The following ZEB1 variants were observed in gnomAD, a reference collection of about 807,000 sequenced individuals.
The protein encoded by ZEB1 is zinc finger E-box-binding homeobox 1.
Under a neutral mutation model 84.9 loss-of-function variants are expected in ZEB1, and 21 were observed. The observed-to-expected ratio is 0.25, with a 90% CI of 0.18 to 0.36. The LOEUF (loss-of-function observed/expected upper bound fraction) is 0.36, where lower values mean the gene tolerates loss of function less well. Among genes scored for constraint, ZEB1 ranks in the 10% least tolerant of loss-of-function variants. The probability of loss-of-function intolerance (pLI) is 1.00; values close to 1 mark genes in which losing one functional copy is unlikely to be tolerated. For missense variants in ZEB1, 1,104 were observed against 1,330.2 expected (o/e 0.83, Z 2.65); for synonymous variants, 420 against 471.1 (o/e 0.89, Z 1.41).
chr10:31,489,091 A>G (rs2066138217), intron 2 of ZEB1, among the ~76,000 whole-genome samples: 1 of 151,114 alleles, frequency 6.6e-6, no homozygotes, highest in Non-Finnish European at 1.5e-5. Flanking sequence ...AATATTGTAG[A>G]TTTGTCTCTA....
intron 1 of ZEB1, among the ~76,000 whole-genome samples, chr10:31,408,970 G>A (rs2053683498): frequency 2.0e-5 from 3 of 150,840 alleles, no homozygotes; most frequent in Non-Finnish European, 4.4e-5. Flanking sequence ...CCTACAAAAT[G>A]GGAGAAAATT....
intron 4 of ZEB1, among the ~76,000 whole-genome samples, chr10:31,503,623 AG>A (rs1400153393): frequency 6.6e-6 from 1 of 151,848 alleles, no homozygotes. Context: ...TTCTATTTTT[AG>A]TTTTTTTTGA....
chr10:31,377,443 C>G (rs2134672392), intron 1 of ZEB1, among the ~76,000 whole-genome samples: 1 of 151,652 alleles, frequency 6.6e-6, no homozygotes, highest in East Asian at 1.9e-4. Context: ...ATCTCAGTAC[C>G]CTTATTATAT....
intron 1 of ZEB1, among the ~76,000 whole-genome samples, chr10:31,325,973 T>G (rs1366148205): frequency 2.7e-3 from 414 of 151,134 alleles, no homozygotes; most frequent in African/African-American, 9.2e-3. Context: ...TTGGGTTTTT[T>G]TTTTTTTTTT....
intron 2 of ZEB1, 135 bp from the exon 3 acceptor site, chr10:31,495,641 T>A: frequency 1.2e-6 from 1 of 806,500 alleles, no homozygotes; most frequent in South Asian, 1.5e-5. Context: ...GGGGAGTACA[T>A]GTGATATTTT....
intron 6 of ZEB1, among the ~76,000 whole-genome samples, chr10:31,518,353 GT>G (rs1312136028): frequency 6.6e-6 from 1 of 152,114 alleles, no homozygotes; most frequent in African/African-American, 2.4e-5. Flanking sequence ...TATAAGAGAA[GT>G]TTAAGAATAC....
rs369994823 is a variant in ZEB1 at position 31,473,985 on chromosome 10, T to G, written c.259+12748T>G. 5.9e-5 allele frequency among the ~76,000 whole-genome samples: 9 copies of G among 152,102 alleles called. No individual in the cohort carries two copies. The East Asian group carries it at 7.7e-4, about 13-fold the overall frequency. On this transcript the variant is annotated intron_variant, in intron 2 of 8. Transcript: ENST00000424869. Reference sequence around the variant, plus strand: ...AAGGATTCCCTATTTAATAAATGGTTCTGGGAAAACCGGCTAGCCATATGT... The same window carrying G: ...AAGGATTCCCTATTTAATAAATGGTGCTGGGAAAACCGGCTAGCCATATGT...
In ZEB1 at chr10:31,450,587, G is replaced by A. The variant is rs372114525; in HGVS notation, c.59-10450G>A. Among the ~76,000 whole-genome samples, 20 of 151,630 alleles carry A rather than the reference G, an allele frequency of 1.3e-4. No individual in the cohort carries two copies. The East Asian group carries it at 3.5e-3, about 26-fold the overall frequency. On this transcript the variant is annotated intron_variant, in intron 1 of 8. Transcript: ENST00000424869. Reference sequence around the variant, plus strand: ...TCTTTTTAAAAATTGGTTTATTCTTGTAAATCATTGTTAACTAATGATGAA... The same window carrying A: ...TCTTTTTAAAAATTGGTTTATTCTTATAAATCATTGTTAACTAATGATGAA...
intron 1 of ZEB1, among the ~76,000 whole-genome samples, chr10:31,443,847 A>G (rs1157879455): frequency 2.0e-5 from 3 of 151,184 alleles, no homozygotes; most frequent in Non-Finnish European, 2.9e-5. Context: ...AGTCTTTGCT[A>G]TCGTGAATAG....
rs71027029 is a variant in ZEB1 at position 31,516,539 on chromosome 10, TAAAAAAAAAAAAAAAAAAAAAAA to T, written c.793+1848_793+1870del. ...AACCAAGACCCAGGGTGTCTGTAAG[TAAAAAAAAAAAAAAAAAAAAAAA>T]AAAAAAAAAAAAAAAATCAGTTGCT... On this transcript the variant is annotated intron_variant, in intron 6 of 8. Coordinates refer to ENST00000424869, the MANE Select transcript of ZEB1 (RefSeq NM_001174096.2). Among the ~76,000 whole-genome samples the T allele has an allele frequency of 5.3e-4, 18 of 34,032 alleles. 1 individual carries two copies. Among genetic ancestry groups the T allele is most frequent in the South Asian group, 2.5e-3 (1 of 406 alleles). 22.3% of individuals were successfully genotyped at this position (34,032 alleles called of 152,430 possible).
rs559583813 is a variant in ZEB1, at chr10:31,410,087, G to A, written c.59-50950G>A. Reference sequence around the variant, plus strand: ...AGAGAGGGCATCCTTGTCTTGTGCCGGTTTTCAAAGGGAATGCTTCTAGCT... The same window carrying A: ...AGAGAGGGCATCCTTGTCTTGTGCCAGTTTTCAAAGGGAATGCTTCTAGCT... On this transcript the variant is annotated intron_variant, in intron 1 of 8. Coordinates refer to ENST00000424869, the MANE Select transcript of ZEB1 (RefSeq NM_001174096.2). Among the ~76,000 whole-genome samples, 133 of 152,156 alleles carry A rather than the reference G, an allele frequency of 8.7e-4. 3 individuals carry two copies. The South Asian group carries it at 0.022, about 25-fold the overall frequency.
intron 2 of ZEB1, among the ~76,000 whole-genome samples, chr10:31,468,835 A>C (rs1439803957): frequency 3.3e-5 from 5 of 152,220 alleles, no homozygotes; most frequent in Non-Finnish European, 7.3e-5. Context: ...ACACATGAGA[A>C]GGAACCAGCA....
chr10:31,369,024 A>G (rs964582345), intron 1 of ZEB1, among the ~76,000 whole-genome samples: 2 of 152,224 alleles, frequency 1.3e-5, no homozygotes, highest in African/African-American at 4.8e-5. Context: ...TATCTTTACA[A>G]CTAAATCTAA....
At chr10:31,423,230 C>T (rs1398276340) in intron 1 of ZEB1, among the ~76,000 whole-genome samples, 1 of 152,016 alleles carries the variant, frequency 6.6e-6, no homozygotes, top group African/African-American at 2.4e-5. Context: ...ATTAGTCTCC[C>T]GGTTTTCTCT....
At position 31,492,156 on chromosome 10, in the gene ZEB1, C is replaced by T. The variant is rs570336445; in HGVS notation, c.260-3620C>T. ...GTAACGGCTTTCTAGGCAGAGGGAGCAACTTCAGGAAAGGTATAGAGAAGG... is the reference window on the plus strand; with the variant it reads ...GTAACGGCTTTCTAGGCAGAGGGAGTAACTTCAGGAAAGGTATAGAGAAGG... On this transcript the variant is annotated intron_variant, in intron 2 of 8. Coordinates refer to ENST00000424869, the MANE Select transcript of ZEB1 (RefSeq NM_001174096.2). Among the ~76,000 whole-genome samples the T allele has an allele frequency of 5.3e-5, 8 of 151,892 alleles. No homozygotes were observed. In the East Asian group the frequency reaches 1.6e-3, roughly 30 times the overall value.
intron 1 of ZEB1, chr10:31,320,650 A>G (rs1169292201): frequency 6.6e-6 from 1 of 152,216 alleles, no homozygotes; most frequent in African/African-American, 2.4e-5. Context: ...CGAGACCTGA[A>G]CATGTGGTGG....
chr10:31,522,236 C>T (rs1279857004), intron 7 of ZEB1, among the ~76,000 whole-genome samples: 2 of 152,164 alleles, frequency 1.3e-5, no homozygotes, highest in Non-Finnish European at 2.9e-5. Flanking sequence ...TTGAAATACT[C>T]GCTAATTGGG....
In ZEB1 at chr10:31,521,864, C is replaced by T. The variant is rs2072480124; in HGVS notation, c.2532C>T (p.Tyr844=). 2 of 1,614,022 alleles carry T rather than the reference C, an allele frequency of 1.2e-6. No individual in the cohort carries two copies. Among genetic ancestry groups the T allele is most frequent in the Admixed American group, 1.7e-5 (1 of 60,000 alleles). The change falls in exon 7 of 9, where the codon TAC becomes TAT. Residue 844 remains tyrosine (Y), a synonymous_variant. Coordinates refer to ENST00000424869, the MANE Select transcript of ZEB1 (RefSeq NM_001174096.2). ...KQTILIPQVA[Y]TYSTTVSPAV... ...CGATTCTGATTCCCCAGGTGGCATA[C>T]ACCTACTCAACTACGGTCAGCCCTG... is the stretch of plus-strand genomic sequence containing the variant.
rs1336150201 is a variant in ZEB1, at chr10:31,349,803, GT to G, written c.58+30515del. 2.6e-5 allele frequency among the ~76,000 whole-genome samples: 4 copies of G among 152,054 alleles called. 1 individual carries two copies. The highest frequency in any genetic ancestry group is 2.0e-4 in the Admixed American group (3 of 15,254). On this transcript the variant is annotated intron_variant, in intron 1 of 8. Transcript: ENST00000424869. ...ATTTAGTTGCTTTAGCTTTTTACATGTTTTGGATACTAATGTCTTATCAGTT... is the reference window on the plus strand; with the variant it reads ...ATTTAGTTGCTTTAGCTTTTTACATGTTTGGATACTAATGTCTTATCAGTT...
Sources: allele counts gnomAD v4.1 joint callset (sites outside exome capture counted in the v4.1 genomes callset), GRCh38; gene constraint gnomAD v4.1.1; transcripts MANE v1.5; gene names NCBI Gene and HGNC (gene_info 2026-07-23, HGNC 2026-07-21).